PPP3CA: variants seen among roughly 807,000 people sequenced by gnomAD.
The protein encoded by PPP3CA is CAM-PRP catalytic subunit.
A neutral mutation model predicts 66.5 loss-of-function variants in PPP3CA; 14 were observed. The observed-to-expected ratio is 0.21, with a 90% CI of 0.14 to 0.33. The LOEUF is 0.33. PPP3CA is among the 10% of genes least tolerant of loss of function. The pLI, the probability that PPP3CA is intolerant of heterozygous loss-of-function variation, is 1.00. For missense variants in PPP3CA, 317 were observed against 639.5 expected (o/e 0.50, Z 5.44); for synonymous variants, 232 against 226.2 (o/e 1.03, Z -0.23).
intron 1 of PPP3CA, among the ~76,000 whole-genome samples, chr4:101,269,186 T>G (rs558809178): frequency 6.8e-4 from 103 of 152,218 alleles, no homozygotes; most frequent in African/African-American, 2.4e-3. Context: ...TTGCCAGACT[T>G]AACTTTAACT....
chr4:101,163,195 C>T (rs979401209), intron 2 of PPP3CA, among the ~76,000 whole-genome samples: 2 of 152,126 alleles, frequency 1.3e-5, no homozygotes, highest in Non-Finnish European at 2.9e-5. Context: ...ATGGCAGTTT[C>T]CTGGACTCCA....
chr4:101,270,591 T>C (rs373807503), intron 1 of PPP3CA, among the ~76,000 whole-genome samples: 3 of 152,184 alleles, frequency 2.0e-5, no homozygotes, highest in Non-Finnish European at 4.4e-5. Flanking sequence ...GTAGACAGTA[T>C]TGGTCTGTTA....
chr4:101,170,283 C>A (rs897612996), intron 2 of PPP3CA, among the ~76,000 whole-genome samples: 2 of 151,978 alleles, frequency 1.3e-5, no homozygotes, highest in African/African-American at 2.4e-5. Flanking sequence ...AAAAAAAACT[C>A]CTCCTGACTC....
At chr4:101,255,629 G>C (rs1187202685) in intron 1 of PPP3CA, among the ~76,000 whole-genome samples, 1 of 151,696 alleles carries the variant, frequency 6.6e-6, no homozygotes, top group Non-Finnish European at 1.5e-5. Context: ...TCAACCAAAA[G>C]TAAGTAAATT....
intron 1 of PPP3CA, among the ~76,000 whole-genome samples, chr4:101,274,166 T>C (rs1380593266): frequency 2.6e-5 from 4 of 152,110 alleles, no homozygotes; most frequent in Admixed American, 6.5e-5. Context: ...TAGCCGGACA[T>C]GATGGCGGGT....
intron 2 of PPP3CA, among the ~76,000 whole-genome samples, chr4:101,160,682 ATT>A: frequency 6.6e-6 from 1 of 152,234 alleles, no homozygotes. Flanking sequence ...AAAGATAGTG[ATT>A]TTCATGAATC....
intron 2 of PPP3CA, among the ~76,000 whole-genome samples, chr4:101,117,812 A>C (rs1721891445): frequency 6.6e-6 from 1 of 152,016 alleles, no homozygotes; most frequent in Admixed American, 6.6e-5. Context: ...GAATTTATTT[A>C]CATTATGTAG....
At chr4:101,317,282 ACACACT>A (rs1275241977) in intron 1 of PPP3CA, among the ~76,000 whole-genome samples, 74 of 151,678 alleles carry the variant, frequency 4.9e-4, no homozygotes, top group Non-Finnish European at 1.8e-4. Context: ...ACACACACAC[ACACACT>A]CACACACACT....
intron 2 of PPP3CA, among the ~76,000 whole-genome samples, chr4:101,160,481 G>A (rs1038118371): frequency 6.6e-6 from 1 of 152,044 alleles, no homozygotes; most frequent in Admixed American, 6.6e-5. Flanking sequence ...AAAATGTGTG[G>A]GAGTCCGATC....
chr4:101,056,952 C>T (rs550965991), intron 10 of PPP3CA, among the ~76,000 whole-genome samples: 2 of 152,178 alleles, frequency 1.3e-5, no homozygotes, highest in South Asian at 2.1e-4. Flanking sequence ...TCTTTAAGCA[C>T]CCTAACCCTA....
intron 2 of PPP3CA, among the ~76,000 whole-genome samples, chr4:101,121,873 C>T (rs1722042848): frequency 6.6e-6 from 1 of 152,034 alleles, no homozygotes; most frequent in Admixed American, 6.6e-5. Context: ...TTAACTGCTC[C>T]TGATCTGGCC....
intron 1 of PPP3CA, among the ~76,000 whole-genome samples, chr4:101,220,298 C>CAT (rs1359059287): frequency 2.5e-5 from 1 of 40,250 alleles, no homozygotes; most frequent in Admixed American, 2.3e-4. Flanking sequence ...CTTGACAGCA[C>CAT]GTTTTTTTTT....
chr4:101,336,396 C>T (rs1316509902), intron 1 of PPP3CA, among the ~76,000 whole-genome samples: 1 of 150,804 alleles, frequency 6.6e-6, no homozygotes, highest in Non-Finnish European at 1.5e-5. Flanking sequence ...CATAGTGAAA[C>T]CCATCTCTAC....
rs114538154 is a variant in PPP3CA at position 101,046,994 on chromosome 4, C to T, written c.1157-6428G>A. 6.0e-3 allele frequency among the ~76,000 whole-genome samples: 920 copies of T among 152,140 alleles called. 13 individuals are homozygous for T. Among genetic ancestry groups the T allele is most frequent in the African/African-American group, 0.02 (844 of 41,498 alleles). On this transcript the variant is annotated intron_variant, in intron 10 of 13. Coordinates refer to ENST00000394854, the MANE Select transcript of PPP3CA (RefSeq NM_000944.5). The stretch of plus-strand genomic sequence containing the variant: ...GGTCTTTATAGCTTTTTACAGATGA[C>T]GAAAATTATGAATATAAAGACTGTC...
chr4:101,053,176 A>T (rs748957964), intron 10 of PPP3CA, among the ~76,000 whole-genome samples: 2 of 152,138 alleles, frequency 1.3e-5, no homozygotes, highest in Non-Finnish European at 2.9e-5. Context: ...AATAGGGCAC[A>T]CTGAATTTTA....
At chr4:101,057,060 C>CTT (rs60282854) in intron 10 of PPP3CA, among the ~76,000 whole-genome samples, 3 of 145,058 alleles carry the variant, frequency 2.1e-5, no homozygotes, top group Non-Finnish European at 1.5e-5. Flanking sequence ...GTAGAATATA[C>CTT]TTTTTTTTTT....
intron 10 of PPP3CA, among the ~76,000 whole-genome samples, chr4:101,049,972 A>G (rs546854735): frequency 6.6e-6 from 1 of 152,106 alleles, no homozygotes; most frequent in East Asian, 1.9e-4. Context: ...GCTATTCACA[A>G]TTCAGGCACG....
chr4:101,041,928 AG>A (rs2110211820), intron 10 of PPP3CA, among the ~76,000 whole-genome samples: 1 of 147,352 alleles, frequency 6.8e-6, no homozygotes, highest in African/African-American at 2.7e-5. Context: ...TAATTTGCTC[AG>A]GGACGGTAGT....
intron 2 of PPP3CA, among the ~76,000 whole-genome samples, chr4:101,181,729 T>C (rs1234355172): frequency 1.3e-5 from 2 of 152,128 alleles, no homozygotes; most frequent in African/African-American, 4.8e-5. Flanking sequence ...TATGATTATA[T>C]GAATGTTTAG....
Sources: allele counts gnomAD v4.1 joint callset (sites outside exome capture counted in the v4.1 genomes callset), GRCh38; gene constraint gnomAD v4.1.1; transcripts MANE v1.5; gene names NCBI Gene and HGNC (gene_info 2026-07-23, HGNC 2026-07-21).